SEMA5A: variants seen among roughly 807,000 people sequenced by gnomAD.
SEMA5A encodes the protein semaphorin-5A.
Under a neutral mutation model 135.5 loss-of-function variants are expected in SEMA5A, and 55 were observed. The observed-to-expected ratio is 0.41, with a 90% CI of 0.33 to 0.51. SEMA5A has a LOEUF of 0.51. Among genes scored for constraint, SEMA5A ranks in the 20% least tolerant of loss-of-function variants. The probability of loss-of-function intolerance (pLI) is 0.37; values close to 1 mark genes in which losing one functional copy is unlikely to be tolerated. For synonymous variants in SEMA5A, 580 were observed against 546.5 expected (o/e 1.06, Z -0.85); for missense variants, 1,290 against 1,419.9 (o/e 0.91, Z 1.47).
At chr5:9,200,494 C>T (rs1401397632) in intron 9 of SEMA5A, among the ~76,000 whole-genome samples, 1 of 152,102 alleles carries the variant, frequency 6.6e-6, no homozygotes, top group African/African-American at 2.4e-5. Context: ...AGTTTTTAAA[C>T]AAGGTTTTGG....
intron 12 of SEMA5A, among the ~76,000 whole-genome samples, chr5:9,139,608 G>T (rs985827933): frequency 6.6e-6 from 1 of 152,080 alleles, no homozygotes; most frequent in African/African-American, 2.4e-5. Context: ...TCTTTCATGA[G>T]TCATTCATTT....
chr5:9,207,981 G>A (rs1746140512), intron 8 of SEMA5A, among the ~76,000 whole-genome samples: 1 of 152,100 alleles, frequency 6.6e-6, no homozygotes, highest in Admixed American at 6.5e-5. Context: ...TCACATACAT[G>A]AGTATAGAGA....
rs193176925 is a variant in SEMA5A, at chr5:9,310,365, C to A, written c.270+8007G>T. On this transcript the variant is annotated intron_variant, in intron 5 of 22. Transcript: ENST00000382496. ...TAATACCTTTACTATGATCAACATA[C>A]CTTAGTTGTTAACTCCTGAAAGATT... Among the ~76,000 whole-genome samples, 4 of 152,124 alleles carry A rather than the reference C, an allele frequency of 2.6e-5. No homozygotes were observed. The East Asian group carries it at 7.7e-4, about 29-fold the overall frequency.
At chr5:9,464,159 A>T (rs1473782550) in intron 1 of SEMA5A, among the ~76,000 whole-genome samples, 1 of 152,158 alleles carries the variant, frequency 6.6e-6, no homozygotes, top group Non-Finnish European at 1.5e-5. Flanking sequence ...ATCATTAGAC[A>T]TTGCCAAATG....
chr5:9,519,254 C>A (rs1361517459), intron 1 of SEMA5A, among the ~76,000 whole-genome samples: 1 of 152,152 alleles, frequency 6.6e-6, no homozygotes, highest in African/African-American at 2.4e-5. Context: ...CAACTAAAAC[C>A]TAGAAAAAGA....
At chr5:9,210,938 G>A (rs138659955) in intron 8 of SEMA5A, among the ~76,000 whole-genome samples, 67 of 152,312 alleles carry the variant, frequency 4.4e-4, no homozygotes, top group African/African-American at 1.5e-3. Flanking sequence ...GATATGCATG[G>A]AGGCCATTGA....
chr5:9,225,700 C>T (rs1042663077), intron 7 of SEMA5A, among the ~76,000 whole-genome samples: 1 of 151,936 alleles, frequency 6.6e-6, no homozygotes, highest in African/African-American at 2.4e-5. Flanking sequence ...ACATTTCCAA[C>T]ACTTTCTTTC....
At chr5:9,357,732 G>A (rs1236372924) in intron 3 of SEMA5A, among the ~76,000 whole-genome samples, 1 of 152,136 alleles carries the variant, frequency 6.6e-6, no homozygotes. Flanking sequence ...CCCCAGGTGA[G>A]GCACCTCTCC....
intron 5 of SEMA5A, among the ~76,000 whole-genome samples, chr5:9,304,795 A>G (rs922556333): frequency 1.1e-4 from 16 of 152,212 alleles, no homozygotes; most frequent in Non-Finnish European, 1.9e-4. Context: ...CTACATAACT[A>G]TGCAAATACT....
chr5:9,455,909 CCTT>C (rs756907822), intron 1 of SEMA5A, among the ~76,000 whole-genome samples: 2 of 152,188 alleles, frequency 1.3e-5, no homozygotes, highest in African/African-American at 4.8e-5. Context: ...TACAGAAGAC[CCTT>C]CTTCTTCGGG....
chr5:9,366,682 C>G (rs1254844709), intron 3 of SEMA5A, among the ~76,000 whole-genome samples: 2 of 152,174 alleles, frequency 1.3e-5, no homozygotes, highest in African/African-American at 4.8e-5. Context: ...GCCACCGCTC[C>G]CAGCCACAAT....
At chr5:9,076,828 C>T (rs1738086435) in intron 16 of SEMA5A, among the ~76,000 whole-genome samples, 1 of 151,426 alleles carries the variant, frequency 6.6e-6, no homozygotes, top group East Asian at 1.9e-4. Context: ...CTGTTATCTA[C>T]CACATAGCCA....
chr5:9,109,027 A>ATTTTTTTTTTTTTTTTTTTTTTTTT lies in SEMA5A; in HGVS notation c.1926-741_1926-740insAAAAAAAAAAAAAAAAAAAAAAAAA. On this transcript the variant is annotated intron_variant, in intron 15 of 22. Transcript: ENST00000382496. ...ATCATGAGTCATATTATTTCTCTTC[A>ATTTTTTTTTTTTTTTTTTTTTTTTT]ATTTTTTTTTTTTTTTTTTTTTTTT... is the stretch of plus-strand genomic sequence containing the variant. Among the ~76,000 whole-genome samples the ATTTTTTTTTTTTTTTTTTTTTTTTT allele has an allele frequency of 1.7e-5, 2 of 118,956 alleles. 1 individual carries two copies. Among genetic ancestry groups the ATTTTTTTTTTTTTTTTTTTTTTTTT allele is most frequent in the Admixed American group, 1.9e-4 (2 of 10,532 alleles). The allele number at this position is 118,956 out of a possible 152,430, so 78.0% of individuals were successfully genotyped here. A position where few individuals can be genotyped will look rare whatever the true frequency, so the allele number is the denominator to read the frequency against.
chr5:9,095,426 C>T (rs939624422), intron 16 of SEMA5A, among the ~76,000 whole-genome samples: 4 of 152,136 alleles, frequency 2.6e-5, no homozygotes, highest in Non-Finnish European at 5.9e-5. Context: ...ATATAGTAGC[C>T]GCTGTTGTGC....
At chr5:9,190,503 C>T (rs1745048673) in intron 10 of SEMA5A, 32 bp from the exon 11 acceptor site, 3 of 1,606,238 alleles carry the variant, frequency 1.9e-6, no homozygotes, top group East Asian at 2.2e-5. Context: ...GTTACCAGAG[C>T]CGGCAGCCTG....
At chr5:9,186,201 A>C (rs1330023851) in intron 11 of SEMA5A, among the ~76,000 whole-genome samples, 1 of 152,168 alleles carries the variant, frequency 6.6e-6, no homozygotes, top group African/African-American at 2.4e-5. Flanking sequence ...GGGTGGATGG[A>C]CACCAGGAGA....
At chr5:9,525,028 C>T (rs746999443) in intron 1 of SEMA5A, among the ~76,000 whole-genome samples, 3 of 152,168 alleles carry the variant, frequency 2.0e-5, no homozygotes, top group Non-Finnish European at 4.4e-5. Context: ...TTGTTTGAAT[C>T]ATATGAAATT....
chr5:9,482,769 A>C (rs761005930), intron 1 of SEMA5A, among the ~76,000 whole-genome samples: 1 of 152,220 alleles, frequency 6.6e-6, no homozygotes, highest in Non-Finnish European at 1.5e-5. Context: ...TGGCACAGGA[A>C]GTGGAACTGA....
intron 11 of SEMA5A, among the ~76,000 whole-genome samples, chr5:9,159,891 C>T (rs534555997): frequency 3.3e-5 from 5 of 152,268 alleles, no homozygotes; most frequent in South Asian, 4.1e-4. Context: ...AATAAGATCA[C>T]GTCCTTTTCA....
Sources: allele counts gnomAD v4.1 joint callset (sites outside exome capture counted in the v4.1 genomes callset), GRCh38; gene constraint gnomAD v4.1.1; transcripts MANE v1.5; gene names NCBI Gene and HGNC (gene_info 2026-07-23, HGNC 2026-07-21).